SPATA16: variants seen among roughly 807,000 people sequenced by gnomAD.
The protein encoded by SPATA16 is spermatogenesis-associated protein 16.
Under a neutral mutation model 63.3 loss-of-function variants are expected in SPATA16, and 36 were observed. The ratio of observed to expected loss-of-function variants is 0.57; its 90% CI spans 0.44 to 0.75. SPATA16 has a LOEUF of 0.75. Ranked by LOEUF, SPATA16 falls within the 30% of genes least tolerant of loss-of-function variation. The pLI, the probability that SPATA16 is intolerant of heterozygous loss-of-function variation, is 0.00. For missense variants in SPATA16, 646 were observed against 679.3 expected (o/e 0.95, Z 0.54); for synonymous variants, 203 against 216.7 (o/e 0.94, Z 0.56).
chr3:173,008,403 C>T (rs909640574), intron 4 of SPATA16, among the ~76,000 whole-genome samples: 6 of 151,902 alleles, frequency 3.9e-5, no homozygotes, highest in African/African-American at 9.7e-5. Flanking sequence ...CTGTGGGATC[C>T]GCAGCTCAGA....
At chr3:173,126,079 A>G (rs1342543227) in intron 1 of SPATA16, among the ~76,000 whole-genome samples, 2 of 141,388 alleles carry the variant, frequency 1.4e-5, no homozygotes, top group Admixed American at 1.4e-4. Flanking sequence ...TTGTTACTCT[A>G]TGTCAACAAT....
At chr3:172,890,651 A>T (rs1731875759) in intron 10 of SPATA16, among the ~76,000 whole-genome samples, 1 of 152,018 alleles carries the variant, frequency 6.6e-6, no homozygotes, top group Non-Finnish European at 1.5e-5. Flanking sequence ...TATCCAAAGG[A>T]TAATTCAGAT....
At chr3:173,009,276 C>T (rs1455456495) in intron 4 of SPATA16, among the ~76,000 whole-genome samples, 1 of 152,210 alleles carries the variant, frequency 6.6e-6, no homozygotes, top group Non-Finnish European at 1.5e-5. Context: ...CAATACACAA[C>T]AGGACCCAAA....
intron 2 of SPATA16, among the ~76,000 whole-genome samples, chr3:173,078,880 G>A (rs959509426): frequency 6.6e-6 from 1 of 152,080 alleles, no homozygotes; most frequent in Non-Finnish European, 1.5e-5. Flanking sequence ...ACTGCTTTCT[G>A]TATTAGTCTT....
chr3:172,901,951 A>C (rs908836084), intron 10 of SPATA16, among the ~76,000 whole-genome samples: 3 of 152,046 alleles, frequency 2.0e-5, no homozygotes, highest in African/African-American at 7.2e-5. Flanking sequence ...AAAAGGGGAG[A>C]TTTACTTCCT....
In SPATA16 at chr3:173,131,046, G is replaced by GT. The variant is rs1055146195; in HGVS notation, c.-19+10056dup. Among the ~76,000 whole-genome samples, 5 of 152,102 alleles carry GT rather than the reference G, an allele frequency of 3.3e-5. 1 individual carries two copies. Among genetic ancestry groups the GT allele is most frequent in the African/African-American group, 1.2e-4 (5 of 41,428 alleles). On this transcript the variant is annotated intron_variant, in intron 1 of 10. Coordinates refer to ENST00000351008, the MANE Select transcript of SPATA16 (RefSeq NM_031955.6). ...AATTACATTTAATGAAGATTTACAGGTTTAAGGACTACGGAAATATTTGAG... is the reference window on the plus strand; with the variant it reads ...AATTACATTTAATGAAGATTTACAGGTTTTAAGGACTACGGAAATATTTGAG...
intron 6 of SPATA16, among the ~76,000 whole-genome samples, chr3:172,928,815 A>G (rs768768908): frequency 1.3e-5 from 2 of 152,210 alleles, no homozygotes; most frequent in Non-Finnish European, 2.9e-5. Context: ...GGAGGCTCCT[A>G]TATACATATG....
chr3:173,129,939 A>G (rs1738327239), intron 1 of SPATA16, among the ~76,000 whole-genome samples: 1 of 152,194 alleles, frequency 6.6e-6, no homozygotes, highest in South Asian at 2.1e-4. Context: ...ATAGAACCTG[A>G]GGCATGAAGA....
At chr3:172,998,070 A>G (rs1734730588) in intron 4 of SPATA16, among the ~76,000 whole-genome samples, 1 of 152,112 alleles carries the variant, frequency 6.6e-6, no homozygotes, top group Non-Finnish European at 1.5e-5. Context: ...GTTTATATAA[A>G]TGAAATAACA....
chr3:172,986,683 A>G (rs1363883921), intron 4 of SPATA16, among the ~76,000 whole-genome samples: 1 of 152,150 alleles, frequency 6.6e-6, no homozygotes, highest in Non-Finnish European at 1.5e-5. Flanking sequence ...AGGGGGGGGA[A>G]TGCAGAGGAA....
intron 4 of SPATA16, among the ~76,000 whole-genome samples, chr3:172,978,939 A>G (rs1041824407): frequency 3.9e-5 from 6 of 152,190 alleles, no homozygotes; most frequent in East Asian, 1.9e-4. Flanking sequence ...ATAATTGTCA[A>G]TCAATAGTCT....
At chr3:173,028,360 C>G (rs1018525115) in intron 3 of SPATA16, among the ~76,000 whole-genome samples, 2 of 151,600 alleles carry the variant, frequency 1.3e-5, no homozygotes, top group Admixed American at 6.6e-5. Flanking sequence ...AGATTATAAC[C>G]AATTGAATAA....
chr3:172,943,632 C>G (rs533399239), intron 6 of SPATA16, among the ~76,000 whole-genome samples: 1 of 152,106 alleles, frequency 6.6e-6, no homozygotes, highest in South Asian at 2.1e-4. Context: ...CCCAGCTACT[C>G]GAGAGGCTGA....
At chr3:173,051,345 GGCAA>G (rs1736086709) in intron 2 of SPATA16, among the ~76,000 whole-genome samples, 1 of 152,164 alleles carries the variant, frequency 6.6e-6, no homozygotes, top group Non-Finnish European at 1.5e-5. Context: ...TGGGATTACA[GGCAA>G]GTGCCACCAC....
intron 2 of SPATA16, among the ~76,000 whole-genome samples, chr3:173,056,955 G>A (rs1736246869): frequency 6.6e-6 from 1 of 151,616 alleles, no homozygotes. Context: ...ACTACCGTGA[G>A]TCCACATATG....
chr3:172,904,451 T>C (rs763255562), intron 10 of SPATA16, among the ~76,000 whole-genome samples: 3 of 152,180 alleles, frequency 2.0e-5, no homozygotes, highest in Admixed American at 6.5e-5. Flanking sequence ...GGATACATGC[T>C]CCCTAGATGA....
chr3:172,930,553 C>CTTTTTTTTTTT (rs34780432), intron 6 of SPATA16, among the ~76,000 whole-genome samples: 2 of 87,366 alleles, frequency 2.3e-5, no homozygotes, highest in African/African-American at 4.5e-5. Context: ...CATTCAAACT[C>CTTTTTTTTTTT]TTTTTTTTTT....
chr3:173,034,650 G>A (rs1560102960), intron 3 of SPATA16, among the ~76,000 whole-genome samples: 2 of 152,068 alleles, frequency 1.3e-5, no homozygotes, highest in Non-Finnish European at 2.9e-5. Flanking sequence ...CAGAATTAAT[G>A]GGAGTTCCAC....
chr3:173,074,192 T>A (rs1195091114), intron 2 of SPATA16, among the ~76,000 whole-genome samples: 1 of 152,224 alleles, frequency 6.6e-6, no homozygotes, highest in Admixed American at 6.5e-5. Context: ...TTGTCTCAGA[T>A]AAGACTTTGG....
Sources: allele counts gnomAD v4.1 joint callset (sites outside exome capture counted in the v4.1 genomes callset), GRCh38; gene constraint gnomAD v4.1.1; transcripts MANE v1.5; gene names NCBI Gene and HGNC (gene_info 2026-07-23, HGNC 2026-07-21).